The following TMEM67 variants were observed in gnomAD, a reference collection of about 807,000 sequenced individuals.
TMEM67 encodes meckelin.
Under a neutral mutation model 136.6 loss-of-function variants are expected in TMEM67, and 124 were observed. The ratio of observed to expected loss-of-function variants is 0.91; its 90% CI spans 0.78 to 1.05. The LOEUF (loss-of-function observed/expected upper bound fraction) is 1.05, where lower values mean the gene tolerates loss of function less well. Among genes scored for constraint, TMEM67 ranks in the 50% least tolerant of loss-of-function variants. The probability of loss-of-function intolerance (pLI) is 0.00; values close to 1 mark genes in which losing one functional copy is unlikely to be tolerated. For synonymous variants in TMEM67, 364 were observed against 390.5 expected (o/e 0.93, Z 0.80); for missense variants, 1,107 against 1,178.4 (o/e 0.94, Z 0.89).
At chr8:93,801,902 A>G (rs1020725448) in intron 21 of TMEM67, among the ~76,000 whole-genome samples, 1 of 152,212 alleles carries the variant, frequency 6.6e-6, no homozygotes, top group Admixed American at 6.5e-5. Flanking sequence ...ATAGAATCAA[A>G]AGAGTATAGG....
At chr8:93,819,622 G>A (rs1200370863), downstream of TMEM67, among the ~76,000 whole-genome samples, 4 of 152,224 alleles carry the variant, frequency 2.6e-5, no homozygotes, top group South Asian at 4.1e-4. Flanking sequence ...GTACTTCTGG[G>A]TCATCAGGGC....
At chr8:93,815,691 G>A (rs978639210) in intron 27 of TMEM67, among the ~76,000 whole-genome samples, 10 of 152,274 alleles carry the variant, frequency 6.6e-5, no homozygotes, top group African/African-American at 2.2e-4. Flanking sequence ...ACATGGAAGA[G>A]GAATCCTATA....
At chr8:93,796,040 C>T (rs1365226567) in intron 18 of TMEM67, 53 bp downstream of exon 18, 1 of 1,151,310 alleles carries the variant, frequency 8.7e-7, no homozygotes, top group Non-Finnish European at 1.3e-6. Flanking sequence ...AATGAACTAA[C>T]AAGTCTTTAA....
chr8:93,763,499 C>T (rs1468326212), intron 3 of TMEM67, among the ~76,000 whole-genome samples: 2 of 152,090 alleles, frequency 1.3e-5, no homozygotes, highest in African/African-American at 4.8e-5. Context: ...CTTCCCCATC[C>T]TAGTGTGACA....
At chr8:93,765,276 T>C (rs1813030069) in intron 4 of TMEM67, 130 bp from the exon 5 acceptor site, 1 of 732,304 alleles carries the variant, frequency 1.4e-6, no homozygotes, top group Non-Finnish European at 2.3e-6. Flanking sequence ...ATTTTAAATT[T>C]GTTTAACATA....
chr8:93,824,688 C>A, the TMEM67 span, among the ~76,000 whole-genome samples: 1 of 152,080 alleles, frequency 6.6e-6, no homozygotes, highest in Non-Finnish European at 1.5e-5. Context: ...GCAAACTCTC[C>A]CACCTCTATG....
downstream of TMEM67, among the ~76,000 whole-genome samples, chr8:93,822,440 A>G (rs1442973482): frequency 1.3e-5 from 2 of 152,248 alleles, no homozygotes; most frequent in African/African-American, 4.8e-5. Flanking sequence ...GACTATCCTG[A>G]ATCTTAAAGA....
rs115967793 is a variant in TMEM67, at chr8:93,816,416, A to G, written c.2952A>G (p.Ala984=). Residue 984 remains alanine, a synonymous_variant, in exon 28 of 28, where the codon GCA becomes GCG. Coordinates refer to ENST00000453321, the MANE Select transcript of TMEM67 (RefSeq NM_153704.6). The stretch of plus-strand genomic sequence containing the variant: ...ATACAGTAGGACAAAAGAATTTGGC[A>G]TCCAAAACATTGGTGGATCAAAGAT... ...IRNTVGQKNL[A]SKTLVDQRFL... 1,506 of 1,599,276 alleles carry G rather than the reference A, an allele frequency of 9.4e-4. 7 individuals are homozygous for G. In the African/African-American group the frequency reaches 0.014, roughly 15 times the overall value.
At chr8:93,819,790 T>C (rs915127581), downstream of TMEM67, among the ~76,000 whole-genome samples, 2 of 152,206 alleles carry the variant, frequency 1.3e-5, no homozygotes, top group African/African-American at 4.8e-5. Flanking sequence ...GTACTGTTTA[T>C]ATTTTAAAAG....
intron 3 of TMEM67, among the ~76,000 whole-genome samples, chr8:93,760,839 C>T (rs1210233704): frequency 6.6e-6 from 1 of 151,912 alleles, no homozygotes; most frequent in Non-Finnish European, 1.5e-5. Flanking sequence ...AAAGCTCCTA[C>T]AGATAAATAA....
chr8:93,809,049 T>C lies in TMEM67; in HGVS notation c.2557-8T>C, dbSNP rs745981126. On this transcript the variant is annotated splice_region_variant and splice_polypyrimidine_tract_variant and intron_variant, in intron 24 of 27. Coordinates refer to ENST00000453321, the MANE Select transcript of TMEM67 (RefSeq NM_153704.6). Reference sequence around the variant, plus strand: ...ACACTTTGTATTCATTTCTCTTTTTTACATTAGAAAAATGGTCCTGCTAGA... The same window carrying C: ...ACACTTTGTATTCATTTCTCTTTTTCACATTAGAAAAATGGTCCTGCTAGA... 2 of 1,592,916 alleles carry C rather than the reference T, an allele frequency of 1.3e-6. No homozygotes were observed. Among genetic ancestry groups the C allele is most frequent in the East Asian group, 2.2e-5 (1 of 44,688 alleles).
At chr8:93,812,163 A>C (rs1808728098) in intron 26 of TMEM67, among the ~76,000 whole-genome samples, 2 of 151,828 alleles carry the variant, frequency 1.3e-5, no homozygotes, top group African/African-American at 4.8e-5. Flanking sequence ...AAAAAAAAAA[A>C]AAGTAAAGAA....
At chr8:93,810,998 G>A (rs1037832526) in intron 26 of TMEM67, among the ~76,000 whole-genome samples, 1 of 152,214 alleles carries the variant, frequency 6.6e-6, no homozygotes, top group African/African-American at 2.4e-5. Context: ...AAGAATGGAA[G>A]TGGTATAACC....
At chr8:93,824,791 T>C in the TMEM67 span, among the ~76,000 whole-genome samples, 3 of 152,176 alleles carry the variant, frequency 2.0e-5, no homozygotes, top group Non-Finnish European at 4.4e-5. Context: ...TCTCGACTCA[T>C]TGCAACCTCT....
At chr8:93,770,009 T>A (rs1586023655) in intron 6 of TMEM67, among the ~76,000 whole-genome samples, 1 of 152,084 alleles carries the variant, frequency 6.6e-6, no homozygotes, top group South Asian at 2.1e-4. Context: ...CAGAAAAAAA[T>A]TTTCACATAC....
At chr8:93,815,133 A>C (rs1340769383) in intron 26 of TMEM67, among the ~76,000 whole-genome samples, 172 bp from the exon 27 acceptor site, 4 of 152,220 alleles carry the variant, frequency 2.6e-5, no homozygotes, top group African/African-American at 9.6e-5. Context: ...AACCTCTTTT[A>C]GATGAACAAA....
chr8:93,795,388 A>C, intron 16 of TMEM67, 21 bp from the exon 17 acceptor site: 1 of 1,603,500 alleles, frequency 6.2e-7, no homozygotes, highest in South Asian at 1.1e-5. Flanking sequence ...AACAGCTGTA[A>C]TTCTTTTTTT....
Position 93,782,336 on chromosome 8 carries a change from C to A in TMEM67, c.1066-59C>A. On this transcript the variant is annotated intron_variant, in intron 10 of 27. Transcript: ENST00000453321. ...ATATCCATGTTCGGGTTTGAGAACTCTTGAGTATAAGAATAGAAAACATTT... is the reference window on the plus strand; with the variant it reads ...ATATCCATGTTCGGGTTTGAGAACTATTGAGTATAAGAATAGAAAACATTT... 2.2e-6 allele frequency: 3 copies of A among 1,370,158 alleles called. No homozygotes were observed. The East Asian group carries it at 6.9e-5, about 32-fold the overall frequency. The allele number at this position is 1,370,158 out of a possible 1,614,324, so 84.9% of individuals were successfully genotyped here.
chr8:93,802,763 T>C (rs1312487017), intron 21 of TMEM67, among the ~76,000 whole-genome samples: 1 of 152,240 alleles, frequency 6.6e-6, no homozygotes, highest in Non-Finnish European at 1.5e-5. Flanking sequence ...GTTTAAAATA[T>C]GTATATAGAG....
Sources: allele counts gnomAD v4.1 joint callset (sites outside exome capture counted in the v4.1 genomes callset), GRCh38; gene constraint gnomAD v4.1.1; transcripts MANE v1.5; gene names NCBI Gene and HGNC (gene_info 2026-07-23, HGNC 2026-07-21).